The following SLC25A48 variants were observed in gnomAD, a reference collection of about 807,000 sequenced individuals.
The protein encoded by SLC25A48 is CTC-321K16.1.
Under a neutral mutation model 32.2 loss-of-function variants are expected in SLC25A48, and 29 were observed. The observed-to-expected ratio is 0.90, with a 90% CI of 0.67 to 1.23. The LOEUF is 1.23. SLC25A48 is among the 50% of genes most tolerant of loss of function. The probability of loss-of-function intolerance (pLI) is 0.00; values close to 1 mark genes in which losing one functional copy is unlikely to be tolerated. For missense variants in SLC25A48, 399 were observed against 422.7 expected (o/e 0.94, Z 0.49); for synonymous variants, 164 against 172.3 (o/e 0.95, Z 0.38).
chr5:135,668,056 T>A (rs188458483), intron 3 of SLC25A48, among the ~76,000 whole-genome samples: 20 of 152,190 alleles, frequency 1.3e-4, no homozygotes, highest in African/African-American at 4.6e-4. Context: ...AGTGCAAGAG[T>A]CCAGTGGAAG....
At chr5:135,757,676 T>A (rs1299055754) in intron 3 of SLC25A48, among the ~76,000 whole-genome samples, 1 of 149,814 alleles carries the variant, frequency 6.7e-6, no homozygotes, top group Non-Finnish European at 1.5e-5. Context: ...TCTAGTGTTA[T>A]CACACTATGA....
chr5:135,646,678 T>TATATATATAC lies in SLC25A48; in HGVS notation c.-521+11723_-521+11724insTATATATACA, dbSNP rs966073970. Among the ~76,000 whole-genome samples, 494 of 136,768 alleles carry TATATATATAC rather than the reference T, an allele frequency of 3.6e-3. 15 individuals carry two copies. Among genetic ancestry groups the TATATATATAC allele is most frequent in the African/African-American group, 0.013 (468 of 36,482 alleles). The allele number at this position is 136,768 out of a possible 152,430, so 89.7% of individuals were successfully genotyped here. ...TTCCCATTATATATATATATATATA[T>TATATATATAC]ACAATGGGAAGGACATAATGCTAAG... On this transcript the variant is annotated intron_variant, in intron 3 of 10. Transcript: ENST00000646290.
At chr5:135,772,073 G>A (rs1359312641) in intron 3 of SLC25A48, among the ~76,000 whole-genome samples, 1 of 151,314 alleles carries the variant, frequency 6.6e-6, no homozygotes, top group Non-Finnish European at 1.5e-5. Flanking sequence ...ATCACAGAAG[G>A]TGTACACCAC....
chr5:135,768,202 A>G (rs972917558), intron 3 of SLC25A48, among the ~76,000 whole-genome samples: 9 of 133,842 alleles, frequency 6.7e-5, no homozygotes, highest in African/African-American at 2.4e-4. Flanking sequence ...TGTACACCCC[A>G]CTGTGATATT....
At chr5:135,691,128 G>A (rs889551931) in intron 3 of SLC25A48, among the ~76,000 whole-genome samples, 1 of 152,180 alleles carries the variant, frequency 6.6e-6, no homozygotes, top group Non-Finnish European at 1.5e-5. Context: ...CACATTCAGC[G>A]CTTCTCGATT....
At chr5:135,733,170 T>C (rs1315330551) in intron 3 of SLC25A48, among the ~76,000 whole-genome samples, 1 of 152,102 alleles carries the variant, frequency 6.6e-6, no homozygotes, top group African/African-American at 2.4e-5. Flanking sequence ...TGAGAGGTAA[T>C]GGAGGGGGGC....
intron 3 of SLC25A48, among the ~76,000 whole-genome samples, chr5:135,679,726 G>A (rs571547441): frequency 6.6e-6 from 1 of 152,300 alleles, no homozygotes; most frequent in South Asian, 2.1e-4. Flanking sequence ...TGTGGGCTCG[G>A]AAGGTCAATG....
chr5:135,855,821 C>T (rs112999033), intron 4 of SLC25A48, among the ~76,000 whole-genome samples: 1,629 of 152,322 alleles, frequency 0.011, 21 homozygotes, highest in African/African-American at 0.035. Context: ...GTGCAGCAGG[C>T]GAGGCCTTGC....
chr5:135,757,797 AAC>A (rs1755955349), intron 3 of SLC25A48, among the ~76,000 whole-genome samples: 1 of 150,268 alleles, frequency 6.7e-6, no homozygotes, highest in African/African-American at 2.4e-5. Context: ...ACACAGTGTT[AAC>A]ACAGTAAGAT....
At chr5:135,794,325 G>A (rs975191509) in intron 3 of SLC25A48, among the ~76,000 whole-genome samples, 1 of 151,542 alleles carries the variant, frequency 6.6e-6, no homozygotes, top group Non-Finnish European at 1.5e-5. Context: ...TGAGAGGATA[G>A]TATTACTCTC....
At chr5:135,582,429 G>A (rs966953943) in intron 1 of SLC25A48, among the ~76,000 whole-genome samples, 4 of 152,104 alleles carry the variant, frequency 2.6e-5, no homozygotes, top group African/African-American at 9.7e-5. Context: ...CTCATCAGGG[G>A]ATCTGACAGG....
intron 1 of SLC25A48, among the ~76,000 whole-genome samples, chr5:135,585,276 G>A (rs571858187): frequency 6.6e-6 from 1 of 152,334 alleles, no homozygotes; most frequent in South Asian, 2.1e-4. Flanking sequence ...CAGAGTCCTA[G>A]GCCTCTGTGC....
intron 3 of SLC25A48, among the ~76,000 whole-genome samples, chr5:135,732,644 G>A (rs1316076649): frequency 6.6e-6 from 1 of 152,164 alleles, no homozygotes; most frequent in Non-Finnish European, 1.5e-5. Flanking sequence ...TAAGAGGTGG[G>A]CTAGCAGCTT....
chr5:135,654,000 G>A, intron 3 of SLC25A48: 1 of 440,078 alleles, frequency 2.3e-6, no homozygotes, highest in Admixed American at 2.4e-5. Context: ...CTGCCATATA[G>A]AGCCCCTGTT....
At chr5:135,861,313 GCA>G (rs10561751) in intron 4 of SLC25A48, among the ~76,000 whole-genome samples, 21,594 of 145,356 alleles carry the variant, frequency 0.15, 1,708 homozygotes, top group Middle Eastern at 0.21. Context: ...AAATACACAC[GCA>G]CACACACACA....
chr5:135,859,322 C>T (rs1443301423), intron 4 of SLC25A48, among the ~76,000 whole-genome samples: 1 of 152,114 alleles, frequency 6.6e-6, no homozygotes, highest in Non-Finnish European at 1.5e-5. Flanking sequence ...AGAGAACTCT[C>T]ATTTATAAAA....
Position 135,777,975 on chromosome 5 carries a change from G to A in SLC25A48, c.-520-34548G>A, listed in dbSNP as rs145555416. Among the ~76,000 whole-genome samples the A allele has an allele frequency of 5.2e-3, 782 of 151,738 alleles. 7 individuals are homozygous for A. The highest frequency in any genetic ancestry group is 0.018 in the African/African-American group (733 of 41,336). ...CAGGATGGATATTACTGCCAATATC[G>A]CAAATGGTGTACACAGTCCCCTGTG... On this transcript the variant is annotated intron_variant, in intron 3 of 10. Transcript: ENST00000646290.
At chr5:135,637,510 T>C (rs1251778219) in intron 3 of SLC25A48, among the ~76,000 whole-genome samples, 3 of 152,176 alleles carry the variant, frequency 2.0e-5, no homozygotes, top group Non-Finnish European at 4.4e-5. Context: ...GAGGGGTTCA[T>C]TTATTCATGG....
intron 3 of SLC25A48, among the ~76,000 whole-genome samples, chr5:135,750,636 C>A (rs1314817848): frequency 6.6e-6 from 1 of 152,082 alleles, no homozygotes; most frequent in African/African-American, 2.4e-5. Flanking sequence ...GCAATGTTGT[C>A]CATAGAGATG....
Sources: allele counts gnomAD v4.1 joint callset (sites outside exome capture counted in the v4.1 genomes callset), GRCh38; gene constraint gnomAD v4.1.1; transcripts MANE v1.5; gene names NCBI Gene and HGNC (gene_info 2026-07-23, HGNC 2026-07-21).